ANAPC10: variants seen among roughly 807,000 people sequenced by gnomAD.
ANAPC10 encodes the protein anaphase-promoting complex subunit 10.
A neutral mutation model predicts 22.0 loss-of-function variants in ANAPC10; 12 were observed. The observed-to-expected ratio is 0.55, with a 90% CI of 0.35 to 0.88. The LOEUF (loss-of-function observed/expected upper bound fraction) is 0.88. ANAPC10 is among the 40% of genes least tolerant of loss of function. The pLI is 0.01. For synonymous variants in ANAPC10, 65 were observed against 69.5 expected (o/e 0.94, Z 0.32); for missense variants, 188 against 220.9 (o/e 0.85, Z 0.94).
intron 4 of ANAPC10, among the ~76,000 whole-genome samples, chr4:145,014,006 C>A (rs942685625): frequency 6.6e-6 from 1 of 152,000 alleles, no homozygotes; most frequent in South Asian, 2.1e-4. Context: ...GCCAGCGGTG[C>A]GGAGAAAATG....
intron 4 of ANAPC10, among the ~76,000 whole-genome samples, chr4:145,014,006 C>G (rs942685625): frequency 6.6e-6 from 1 of 152,000 alleles, no homozygotes; most frequent in Non-Finnish European, 1.5e-5. Flanking sequence ...GCCAGCGGTG[C>G]GGAGAAAATG....
intron 4 of ANAPC10, among the ~76,000 whole-genome samples, chr4:145,043,035 C>A (rs1179051152): frequency 6.6e-6 from 1 of 151,574 alleles, no homozygotes; most frequent in Non-Finnish European, 1.5e-5. Flanking sequence ...AGTAATGTTC[C>A]AAAGGTTCAG....
chr4:145,012,942 G>A (rs956072523), intron 4 of ANAPC10, among the ~76,000 whole-genome samples: 2 of 152,108 alleles, frequency 1.3e-5, no homozygotes, highest in Non-Finnish European at 2.9e-5. Context: ...TCTCATGATA[G>A]TGAGTGAGTT....
At chr4:145,050,501 C>A (rs1428897240) in intron 4 of ANAPC10, among the ~76,000 whole-genome samples, 1 of 152,208 alleles carries the variant, frequency 6.6e-6, no homozygotes, top group Middle Eastern at 3.2e-3. Flanking sequence ...GCCAGCCTGT[C>A]CTGTGAAGCT....
chr4:145,004,280 A>G (rs997680859), intron 4 of ANAPC10, among the ~76,000 whole-genome samples: 50 of 152,050 alleles, frequency 3.3e-4, no homozygotes, highest in African/African-American at 1.1e-3. Flanking sequence ...GCATCATATC[A>G]TCTGCAAACA....
At chr4:145,032,881 GT>G (rs1737840150) in intron 4 of ANAPC10, among the ~76,000 whole-genome samples, 1 of 152,174 alleles carries the variant, frequency 6.6e-6, no homozygotes. Context: ...ACCAGATATG[GT>G]TTTGCCTATC....
intron 3 of ANAPC10, among the ~76,000 whole-genome samples, chr4:145,071,509 AAT>A (rs1458415036): frequency 6.6e-6 from 1 of 152,198 alleles, no homozygotes; most frequent in Non-Finnish European, 1.5e-5. Flanking sequence ...ATCTCAACAG[AAT>A]ATTAAATAAA....
At chr4:144,995,724 A>C (rs1034174349) in intron 4 of ANAPC10, 121 bp from the exon 5 acceptor site, 39 of 705,108 alleles carry the variant, frequency 5.5e-5, no homozygotes, top group Non-Finnish European at 7.6e-5. Context: ...GAATGACAAT[A>C]TGATAATAAT....
At chr4:145,028,548 T>C (rs1037476833) in intron 4 of ANAPC10, among the ~76,000 whole-genome samples, 2 of 152,152 alleles carry the variant, frequency 1.3e-5, no homozygotes, top group Admixed American at 1.3e-4. Context: ...CAGGAGTGGT[T>C]CTAGAGGAAC....
intron 2 of ANAPC10, among the ~76,000 whole-genome samples, chr4:145,089,625 T>G (rs747993342): frequency 1.3e-5 from 2 of 152,202 alleles, no homozygotes; most frequent in Non-Finnish European, 2.9e-5. Context: ...CTGAATCTAC[T>G]AAACACATTC....
rs1463815496 is a variant in ANAPC10, at chr4:145,005,309, T to C, written c.328-9706A>G. 3.3e-5 allele frequency among the ~76,000 whole-genome samples: 5 copies of C among 152,332 alleles called. No homozygotes were observed. The East Asian group carries it at 9.6e-4, about 29-fold the overall frequency. On this transcript the variant is annotated intron_variant, in intron 4 of 4. Transcript: ENST00000507656. ...GGATTTTGGATTTCTGTGGGGTCAG[T>C]GGTTACATCCCTCTTGTCATTTCTG...
At chr4:145,058,378 C>T (rs1227482116) in intron 4 of ANAPC10, among the ~76,000 whole-genome samples, 1 of 151,922 alleles carries the variant, frequency 6.6e-6, no homozygotes, top group Non-Finnish European at 1.5e-5. Flanking sequence ...TCAACCTCTT[C>T]AGCTTTTTAA....
chr4:145,042,575 C>T (rs1309858227), intron 4 of ANAPC10, among the ~76,000 whole-genome samples: 1 of 152,080 alleles, frequency 6.6e-6, no homozygotes, highest in Non-Finnish European at 1.5e-5. Flanking sequence ...AGCCTTTTCT[C>T]TACTTTTTTG....
chr4:145,017,229 A>G (rs557784978), intron 4 of ANAPC10, among the ~76,000 whole-genome samples: 177 of 152,324 alleles, frequency 1.2e-3, no homozygotes, highest in African/African-American at 3.9e-3. Flanking sequence ...TCATCTGACA[A>G]AGGGCTAATA....
chr4:145,052,459 G>T (rs374092355), intron 4 of ANAPC10, among the ~76,000 whole-genome samples: 2 of 152,118 alleles, frequency 1.3e-5, no homozygotes, highest in South Asian at 2.1e-4. Context: ...TGGAATCCGC[G>T]TATTTTCTAA....
intron 4 of ANAPC10, among the ~76,000 whole-genome samples, chr4:145,034,078 A>G (rs2127075710): frequency 6.6e-6 from 1 of 152,318 alleles, no homozygotes; most frequent in South Asian, 2.1e-4. Context: ...TATTGTCTTT[A>G]TATGAAGATT....
chr4:145,086,576 C>T (rs34663479), intron 2 of ANAPC10, among the ~76,000 whole-genome samples: 5 of 152,132 alleles, frequency 3.3e-5, no homozygotes, highest in Admixed American at 3.3e-4. Context: ...CTAGGTGATT[C>T]TGATGCATGC....
intron 4 of ANAPC10, among the ~76,000 whole-genome samples, chr4:145,034,543 A>ATATG (rs4029448): frequency 3.7e-5 from 5 of 133,850 alleles, no homozygotes; most frequent in Admixed American, 1.5e-4. Context: ...ATATATATAT[A>ATATG]TGTGTGTGTG....
At chr4:145,037,862 G>T (rs768521374) in intron 4 of ANAPC10, among the ~76,000 whole-genome samples, 2 of 147,792 alleles carry the variant, frequency 1.4e-5, no homozygotes, top group Non-Finnish European at 3.0e-5. Context: ...CAGGAGGATC[G>T]ATTGAACCTA....
Sources: allele counts gnomAD v4.1 joint callset (sites outside exome capture counted in the v4.1 genomes callset), GRCh38; gene constraint gnomAD v4.1.1; transcripts MANE v1.5; gene names NCBI Gene and HGNC (gene_info 2026-07-23, HGNC 2026-07-21).